Variants in CACNA2D3 observed in about 807,000 individuals in gnomAD.
The protein encoded by CACNA2D3 is voltage-dependent calcium channel subunit alpha-2/delta-3.
A neutral mutation model predicts 160.6 loss-of-function variants in CACNA2D3; 60 were observed. The observed-to-expected ratio is 0.37, with a 90% CI of 0.30 to 0.46. The LOEUF is 0.46. Ranked by LOEUF, CACNA2D3 falls within the 20% of genes least tolerant of loss-of-function variation. CACNA2D3 has a pLI of 1.00. For missense variants in CACNA2D3, 1,205 were observed against 1,365.0 expected (o/e 0.88, Z 1.85); for synonymous variants, 558 against 492.9 (o/e 1.13, Z -1.75).
chr3:54,273,799 G>C (rs879851531), intron 2 of CACNA2D3, among the ~76,000 whole-genome samples: 3 of 152,162 alleles, frequency 2.0e-5, no homozygotes, highest in African/African-American at 4.8e-5. Context: ...TCATAATGGA[G>C]CTTTAAGCTA....
intron 13 of CACNA2D3, among the ~76,000 whole-genome samples, chr3:54,773,491 G>A (rs1702357879): frequency 6.6e-6 from 1 of 152,194 alleles, no homozygotes; most frequent in South Asian, 2.1e-4. Flanking sequence ...AACTGATTAT[G>A]TTGGGACCTC....
chr3:54,747,152 A>C (rs1020147011), intron 11 of CACNA2D3, among the ~76,000 whole-genome samples: 2 of 152,058 alleles, frequency 1.3e-5, no homozygotes, highest in East Asian at 3.9e-4. Context: ...CATTTTTTAA[A>C]GTGTTGGCCA....
At chr3:54,731,379 T>C (rs1305610296) in intron 11 of CACNA2D3, among the ~76,000 whole-genome samples, 1 of 152,224 alleles carries the variant, frequency 6.6e-6, no homozygotes, top group Non-Finnish European at 1.5e-5. Flanking sequence ...CACTAGGTTC[T>C]TCAGACCCTC....
intron 12 of CACNA2D3, among the ~76,000 whole-genome samples, chr3:54,758,040 C>G (rs1481101182): frequency 6.6e-6 from 1 of 152,144 alleles, no homozygotes; most frequent in Admixed American, 6.5e-5. Context: ...CCATAATTAA[C>G]AAAGGCCAGA....
chr3:55,007,746 G>C (rs773707684), intron 32 of CACNA2D3, 44 bp from the exon 33 acceptor site: 1 of 1,277,610 alleles, frequency 7.8e-7, no homozygotes, highest in Non-Finnish European at 1.1e-6. Flanking sequence ...TACAAATTTT[G>C]TGTGCACTAC....
intron 2 of CACNA2D3, among the ~76,000 whole-genome samples, chr3:54,193,655 G>A (rs1436517766): frequency 6.6e-6 from 1 of 152,212 alleles, no homozygotes; most frequent in Non-Finnish European, 1.5e-5. Context: ...CCTATCCCTA[G>A]AGCTCTCACT....
intron 35 of CACNA2D3, among the ~76,000 whole-genome samples, chr3:55,072,073 A>G (rs1291621694): frequency 6.6e-6 from 1 of 151,882 alleles, no homozygotes; most frequent in Non-Finnish European, 1.5e-5. Context: ...AAGGTAAAGA[A>G]GATACAGACA....
chr3:54,258,094 T>G (rs2107436004), intron 2 of CACNA2D3, among the ~76,000 whole-genome samples: 1 of 152,336 alleles, frequency 6.6e-6, no homozygotes, highest in Non-Finnish European at 1.5e-5. Context: ...CATAGTAACC[T>G]TCACGGCCTC....
intron 2 of CACNA2D3, among the ~76,000 whole-genome samples, chr3:54,143,769 A>C (rs1409501964): frequency 2.0e-5 from 3 of 152,094 alleles, no homozygotes; most frequent in African/African-American, 7.2e-5. Context: ...AAAGTGCTGG[A>C]ATTACAGGCA....
At chr3:54,724,368 A>C (rs905777118) in intron 11 of CACNA2D3, among the ~76,000 whole-genome samples, 1 of 152,180 alleles carries the variant, frequency 6.6e-6, no homozygotes, top group Non-Finnish European at 1.5e-5. Context: ...ACGAGACTGA[A>C]AATTAACAAG....
intron 17 of CACNA2D3, among the ~76,000 whole-genome samples, chr3:54,857,469 C>T (rs2106794020): frequency 6.6e-6 from 1 of 152,290 alleles, no homozygotes; most frequent in East Asian, 1.9e-4. Flanking sequence ...CAGCCAAAGA[C>T]TGCCCTTCTC....
At chr3:54,216,238 C>G (rs576733891) in intron 2 of CACNA2D3, among the ~76,000 whole-genome samples, 2 of 152,228 alleles carry the variant, frequency 1.3e-5, no homozygotes, top group East Asian at 3.9e-4. Context: ...ACTAAGGAAG[C>G]ACAGGCTTTG....
chr3:54,295,709 T>C (rs1703327952), intron 2 of CACNA2D3, among the ~76,000 whole-genome samples: 1 of 152,222 alleles, frequency 6.6e-6, no homozygotes, highest in Non-Finnish European at 1.5e-5. Flanking sequence ...CAATCAGATA[T>C]CCATTTGCCT....
chr3:54,629,787 G>A (rs753331441), intron 10 of CACNA2D3, among the ~76,000 whole-genome samples: 2 of 152,116 alleles, frequency 1.3e-5, no homozygotes, highest in Non-Finnish European at 2.9e-5. Flanking sequence ...ATTCCCTCTC[G>A]TTTTATCTCA....
Position 54,944,289 on chromosome 3 carries a change from T to C in CACNA2D3, c.2450-24161T>C, listed in dbSNP as rs190279795. 2.6e-4 allele frequency among the ~76,000 whole-genome samples: 39 copies of C among 152,320 alleles called. No homozygotes were observed. In the East Asian group the frequency reaches 7.3e-3, roughly 29 times the overall value. On this transcript the variant is annotated intron_variant, in intron 27 of 37. Coordinates refer to ENST00000474759, the MANE Select transcript of CACNA2D3 (RefSeq NM_018398.3). ...TAGGAAATTTTCTTAGATTATTTTT[T>C]AGGTCTTTTTGTTTTATTATCTGCC... is the stretch of plus-strand genomic sequence containing the variant.
intron 35 of CACNA2D3, among the ~76,000 whole-genome samples, chr3:55,064,267 C>G (rs1447726734): frequency 1.3e-5 from 2 of 152,212 alleles, no homozygotes; most frequent in Non-Finnish European, 2.9e-5. Context: ...GCATCAAATA[C>G]CAAATACTTA....
intron 4 of CACNA2D3, among the ~76,000 whole-genome samples, chr3:54,435,643 G>A (rs747614545): frequency 8.5e-5 from 13 of 152,048 alleles, no homozygotes; most frequent in Non-Finnish European, 1.9e-4. Context: ...ATAGAATCCA[G>A]AGTCCCATAA....
chr3:54,138,326 G>A (rs1699856101), intron 2 of CACNA2D3, among the ~76,000 whole-genome samples: 1 of 152,206 alleles, frequency 6.6e-6, no homozygotes, highest in African/African-American at 2.4e-5. Flanking sequence ...TGGCATGCTG[G>A]GGAGCAGTGG....
At chr3:54,279,065 G>C (rs118168719) in intron 2 of CACNA2D3, among the ~76,000 whole-genome samples, 1,835 of 152,252 alleles carry the variant, frequency 0.012, 41 homozygotes, top group East Asian at 0.052. Flanking sequence ...CGGATCCTGC[G>C]ACGATACCTA....
Sources: allele counts gnomAD v4.1 joint callset (sites outside exome capture counted in the v4.1 genomes callset), GRCh38; gene constraint gnomAD v4.1.1; transcripts MANE v1.5; gene names NCBI Gene and HGNC (gene_info 2026-07-23, HGNC 2026-07-21).